Variants in IL1RAPL2 observed in about 807,000 individuals in gnomAD.
IL1RAPL2 encodes interleukin 1 receptor accessory protein like 2.
Under a neutral mutation model 44.1 loss-of-function variants are expected in IL1RAPL2, and 3 were observed. The ratio of observed to expected loss-of-function variants is 0.07; its 90% CI spans 0.03 to 0.18. IL1RAPL2 has a LOEUF of 0.18. Ranked by LOEUF, IL1RAPL2 falls within the 10% of genes least tolerant of loss-of-function variation. The pLI is 1.00. For missense variants in IL1RAPL2, 391 were observed against 496.4 expected (o/e 0.79, Z 2.02); for synonymous variants, 181 against 178.8 (o/e 1.01, Z -0.10).
intron 2 of IL1RAPL2, among the ~76,000 whole-genome samples, chrX:105,159,272 A>T (rs193104198): frequency 8.9e-6 from 1 of 112,176 alleles, no homozygotes; most frequent in Non-Finnish European, 1.9e-5. Flanking sequence ...CTTCGAGGGA[A>T]GTTTTGACTA....
intron 2 of IL1RAPL2, among the ~76,000 whole-genome samples, chrX:104,713,693 C>T (rs956862447): frequency 7.2e-5 from 8 of 110,964 alleles, no homozygotes; most frequent in African/African-American, 2.0e-4. Context: ...TCAACACTCA[C>T]ATTTCAGTGG....
chrX:104,634,713 C>T (rs758623484), intron 1 of IL1RAPL2, among the ~76,000 whole-genome samples: 1 of 111,475 alleles, frequency 9.0e-6, no homozygotes, highest in South Asian at 3.8e-4. Flanking sequence ...ATTCCTCCAT[C>T]CCTTTATTTT....
intron 6 of IL1RAPL2, among the ~76,000 whole-genome samples, chrX:105,511,394 T>C (rs1339462038): frequency 2.7e-5 from 3 of 111,602 alleles, no homozygotes; most frequent in Admixed American, 1.9e-4. Context: ...GGAAGTCTCT[T>C]TCCTGTAGGC....
chrX:105,067,794 C>T (rs746022003), intron 2 of IL1RAPL2, among the ~76,000 whole-genome samples: 6 of 111,670 alleles, frequency 5.4e-5, no homozygotes, highest in Non-Finnish European at 7.5e-5. Context: ...TGCACACACA[C>T]GCGCGCATGC....
chrX:104,698,780 C>T (rs1334169769), intron 2 of IL1RAPL2, among the ~76,000 whole-genome samples: 8 of 111,303 alleles, frequency 7.2e-5, no homozygotes, highest in Admixed American at 1.9e-4. Context: ...ATTCAAGGTG[C>T]CTTTAGTAAT....
chrX:105,000,466 C>A (rs1409852372), intron 2 of IL1RAPL2, among the ~76,000 whole-genome samples: 1 of 110,750 alleles, frequency 9.0e-6, no homozygotes, highest in Non-Finnish European at 1.9e-5. Context: ...ATGGACCCTA[C>A]CTGAGATTAT....
At chrX:105,387,714 ATACT>A (rs1287336697) in intron 5 of IL1RAPL2, among the ~76,000 whole-genome samples, 1 of 111,750 alleles carries the variant, frequency 8.9e-6, no homozygotes, top group Admixed American at 9.6e-5. Flanking sequence ...AATTTAATAA[ATACT>A]TCTTTTCAAA....
chrX:105,647,130 G>C (rs1409499734), intron 6 of IL1RAPL2, among the ~76,000 whole-genome samples: 1 of 112,219 alleles, frequency 8.9e-6, no homozygotes, highest in African/African-American at 3.2e-5. Flanking sequence ...ACAATAGCAA[G>C]CCTCTAGCCT....
At chrX:105,761,290 T>C (rs2038686552) in intron 10 of IL1RAPL2, among the ~76,000 whole-genome samples, 1 of 105,955 alleles carries the variant, frequency 9.4e-6, no homozygotes, top group Non-Finnish European at 1.9e-5. Flanking sequence ...GTAGCCTCAG[T>C]CTCCATGGCA....
At chrX:105,011,767 T>C (rs1459622512) in intron 2 of IL1RAPL2, among the ~76,000 whole-genome samples, 1 of 111,037 alleles carries the variant, frequency 9.0e-6, no homozygotes, top group African/African-American at 3.3e-5. Flanking sequence ...GCTATGAACA[T>C]TTGTGTGCTA....
chrX:104,838,820 CTTCTTTCTTTCT>C (rs1304618858), intron 2 of IL1RAPL2, among the ~76,000 whole-genome samples: 3 of 76,569 alleles, frequency 3.9e-5, no homozygotes, highest in African/African-American at 4.8e-5. Flanking sequence ...CTTTTCTTTT[CTTCTTTCTTTCT>C]TTCTTTCTTT....
At chrX:104,932,289 G>A (rs180879162) in intron 2 of IL1RAPL2, among the ~76,000 whole-genome samples, 54 of 110,163 alleles carry the variant, frequency 4.9e-4, no homozygotes, top group East Asian at 2.9e-3. Context: ...GTGAGCCACC[G>A]CGCTCGGCCA....
At chrX:104,678,511 C>CT (rs1405919332) in intron 2 of IL1RAPL2, among the ~76,000 whole-genome samples, 2 of 111,752 alleles carry the variant, frequency 1.8e-5, no homozygotes, top group African/African-American at 6.5e-5. Flanking sequence ...CTCATCCTTC[C>CT]TTTTTACTTT....
chrX:104,862,370 A>G (rs755484651), intron 2 of IL1RAPL2, among the ~76,000 whole-genome samples: 16 of 110,270 alleles, frequency 1.5e-4, no homozygotes, highest in Non-Finnish European at 2.3e-4. Flanking sequence ...CCAGTAACTC[A>G]GAATGTGACT....
chrX:105,237,443 C>G (rs1475423100), intron 4 of IL1RAPL2, among the ~76,000 whole-genome samples: 1 of 111,841 alleles, frequency 8.9e-6, no homozygotes, highest in African/African-American at 3.3e-5. Flanking sequence ...ATGATTGAAC[C>G]AGTTTACAGT....
intron 3 of IL1RAPL2, among the ~76,000 whole-genome samples, chrX:105,204,345 T>A (rs1285447826): frequency 9.0e-6 from 1 of 111,666 alleles, no homozygotes; most frequent in Non-Finnish European, 1.9e-5. Context: ...ATAGGTATTC[T>A]ATCAAGAGGA....
intron 4 of IL1RAPL2, among the ~76,000 whole-genome samples, chrX:105,245,664 C>T (rs1430481544): frequency 2.7e-5 from 3 of 112,412 alleles, no homozygotes; most frequent in African/African-American, 9.7e-5. Flanking sequence ...CCAAGAAGAA[C>T]ACTAAACCTA....
intron 6 of IL1RAPL2, among the ~76,000 whole-genome samples, chrX:105,615,110 A>T (rs755406616): frequency 8.9e-6 from 1 of 112,318 alleles, no homozygotes; most frequent in Admixed American, 9.4e-5. Flanking sequence ...AGAGGAATGC[A>T]TATCAGAACT....
intron 2 of IL1RAPL2, among the ~76,000 whole-genome samples, chrX:105,129,972 T>G (rs2033011774): frequency 9.0e-6 from 1 of 111,311 alleles, no homozygotes; most frequent in Non-Finnish European, 1.9e-5. Context: ...CTGCTGGTGC[T>G]AATAATGATG....
Sources: gnomAD v4.1 joint callset for allele counts (sites outside exome capture counted in the v4.1 genomes callset) on GRCh38, gnomAD v4.1.1 for gene constraint, MANE v1.5 for transcripts, NCBI Gene and HGNC (gene_info 2026-07-23, HGNC 2026-07-21) for gene names.